Variants in TNR observed in about 807,000 individuals in gnomAD.
TNR encodes the protein tenascin R.
A neutral mutation model predicts 150.4 loss-of-function variants in TNR; 45 were observed. The observed-to-expected ratio is 0.30, with a 90% CI of 0.24 to 0.38. The LOEUF (loss-of-function observed/expected upper bound fraction) is 0.38. Ranked by LOEUF, TNR falls within the 10% of genes least tolerant of loss-of-function variation. TNR has a pLI of 1.00. For synonymous variants in TNR, 687 were observed against 678.4 expected (o/e 1.01, Z -0.20); for missense variants, 1,544 against 1,759.1 (o/e 0.88, Z 2.19).
chr1:175,718,663 A>G (rs575548686), intron 1 of TNR, among the ~76,000 whole-genome samples: 1 of 152,332 alleles, frequency 6.6e-6, no homozygotes, highest in East Asian at 1.9e-4. Context: ...ATAAACTGAG[A>G]CCGCATAACC....
chr1:175,582,616 A>G (rs1358844897), intron 1 of TNR, among the ~76,000 whole-genome samples: 8 of 152,194 alleles, frequency 5.3e-5, no homozygotes, highest in African/African-American at 1.7e-4. Flanking sequence ...ATAGTGAGCC[A>G]AGAGGCCTTT....
At position 175,599,514 on chromosome 1, in the gene TNR, C is replaced by T. The variant is rs1663147845; in HGVS notation, c.-164-71145G>A. 6.6e-6 allele frequency among the ~76,000 whole-genome samples: 1 copy of T among 152,244 alleles called. No individual in the cohort carries two copies. Among genetic ancestry groups the T allele is most frequent in the South Asian group, 2.1e-4 (1 of 4,832 alleles). ...GAGTGACGGAGTAATTCGCAGATGC[C>T]ACCGAGCGGTGGGGCGGCGCGGTTA... On this transcript the variant is annotated intron_variant, in intron 1 of 22. Coordinates refer to ENST00000367674, the MANE Select transcript of TNR (RefSeq NM_003285.3). This position sits in a 1 kb window ranked among gnomAD's most constrained non-coding sequence, Gnocchi z 4.7.
chr1:175,456,510 C>T (rs930368991), intron 2 of TNR, among the ~76,000 whole-genome samples: 5 of 152,202 alleles, frequency 3.3e-5, no homozygotes, highest in Non-Finnish European at 7.3e-5. Context: ...GACACTTAGA[C>T]GGTGCTTAAT....
chr1:175,462,628 G>A (rs1656869367), intron 2 of TNR, among the ~76,000 whole-genome samples: 1 of 152,232 alleles, frequency 6.6e-6, no homozygotes. Flanking sequence ...AGTAAAACAA[G>A]CAGTCTCAAT....
At chr1:175,369,466 C>G (rs1359805850) in intron 9 of TNR, among the ~76,000 whole-genome samples, 17 of 152,178 alleles carry the variant, frequency 1.1e-4, no homozygotes, top group Non-Finnish European at 1.0e-4. Flanking sequence ...TTCTTATAAA[C>G]ACACCAGTCA....
At position 175,320,890 on chromosome 1, in the gene TNR, A is replaced by C. The variant is rs1237495026; in HGVS notation, c.*2467T>G. The C allele has an allele frequency of 6.6e-6, 1 of 151,000 alleles. No individual in the cohort carries two copies. The highest frequency in any genetic ancestry group is 1.5e-5 in the Non-Finnish European group (1 of 67,948). 9.4% of individuals were successfully genotyped at this position (151,000 alleles called of 1,614,324 possible). On this transcript the variant is annotated 3_prime_UTR_variant, in exon 23 of 23. Coordinates refer to ENST00000367674, the MANE Select transcript of TNR (RefSeq NM_003285.3). Reference sequence around the variant, plus strand: ...GTGCTGTCCCACCATGCCAATTTCTACTTAGGTTTTCAGATCACAGATTAG... The same window carrying C: ...GTGCTGTCCCACCATGCCAATTTCTCCTTAGGTTTTCAGATCACAGATTAG...
At chr1:175,446,408 G>A (rs1656046757) in intron 2 of TNR, among the ~76,000 whole-genome samples, 1 of 152,114 alleles carries the variant, frequency 6.6e-6, no homozygotes, top group Non-Finnish European at 1.5e-5. Flanking sequence ...TTAGTTTCCT[G>A]GGACCAGATA....
At chr1:175,731,144 A>G (rs140385085) in intron 1 of TNR, among the ~76,000 whole-genome samples, 49 of 152,318 alleles carry the variant, frequency 3.2e-4, no homozygotes, top group African/African-American at 1.0e-3. Context: ...TGCAGAGCCC[A>G]TGAAGCTGGT....
chr1:175,353,706 T>C (rs16848281), intron 18 of TNR, among the ~76,000 whole-genome samples: 12,206 of 152,222 alleles, frequency 0.08, 526 homozygotes, highest in Middle Eastern at 0.092. Flanking sequence ...AGGTTTAATG[T>C]TGAGGGTTTA....
At chr1:175,524,889 C>G (rs118109466) in intron 2 of TNR, among the ~76,000 whole-genome samples, 1 of 152,158 alleles carries the variant, frequency 6.6e-6, no homozygotes, top group African/African-American at 2.4e-5. Context: ...GCACAGAATG[C>G]TTAATTTCCT....
intron 18 of TNR, among the ~76,000 whole-genome samples, chr1:175,351,873 T>C (rs973445234): frequency 6.6e-6 from 1 of 152,188 alleles, no homozygotes; most frequent in African/African-American, 2.4e-5. Context: ...GCATAGGAAA[T>C]TGGGCTCTTC....
chr1:175,650,490 C>T (rs1188189150), intron 1 of TNR, among the ~76,000 whole-genome samples: 3 of 151,858 alleles, frequency 2.0e-5, no homozygotes, highest in African/African-American at 7.3e-5. Context: ...CCTGTATTTG[C>T]ATTATAATAA....
intron 1 of TNR, among the ~76,000 whole-genome samples, chr1:175,601,290 G>A (rs1019541055): frequency 7.9e-5 from 12 of 152,172 alleles, no homozygotes; most frequent in South Asian, 2.1e-4. Flanking sequence ...GCCCTGAGGC[G>A]CTGAAAAAGC....
chr1:175,658,492 C>A (rs565892408), intron 1 of TNR, among the ~76,000 whole-genome samples: 1 of 152,306 alleles, frequency 6.6e-6, no homozygotes, highest in Admixed American at 6.5e-5. Context: ...TAAAACCTCA[C>A]CTTCGGCACA....
rs561848456 is a variant in TNR, at chr1:175,607,220, T to C, written c.-164-78851A>G. On this transcript the variant is annotated intron_variant, in intron 1 of 22. Transcript: ENST00000367674. ...ATGGTGGACAATTGTTGAGACTGAGTCGTCTTGAGACTAGAGGTCACATGA... is the reference window on the plus strand; with the variant it reads ...ATGGTGGACAATTGTTGAGACTGAGCCGTCTTGAGACTAGAGGTCACATGA... Among the ~76,000 whole-genome samples the C allele has an allele frequency of 3.9e-5, 6 of 152,306 alleles. No homozygotes were observed. In the South Asian group the frequency reaches 1.2e-3, roughly 32 times the overall value.
At chr1:175,398,618 A>G (rs1380098099) in intron 4 of TNR, among the ~76,000 whole-genome samples, 1 of 152,190 alleles carries the variant, frequency 6.6e-6, no homozygotes, top group Non-Finnish European at 1.5e-5. Context: ...ACTTTTACAT[A>G]GATTATTTCA....
rs113863108 is a variant in TNR, at chr1:175,359,586, T to G, written c.2974+26A>C. ...CCAATTCCCACCATTCCCACCTGCC[T>G]GATCTGCAGGCCTGCAGACACCCAC... On this transcript the variant is annotated intron_variant, in intron 15 of 22. Transcript: ENST00000367674. 7.3e-4 allele frequency: 1,173 copies of G among 1,612,828 alleles called. 11 individuals carry two copies. In the African/African-American group the frequency reaches 0.014, roughly 19 times the overall value.
chr1:175,538,340 G>T (rs1660374351), intron 1 of TNR, among the ~76,000 whole-genome samples: 1 of 152,070 alleles, frequency 6.6e-6, no homozygotes, highest in African/African-American at 2.4e-5. Context: ...AGGTCAGAAA[G>T]TTTCCTGAGA....
intron 1 of TNR, among the ~76,000 whole-genome samples, chr1:175,614,996 C>T (rs922718841): frequency 6.6e-6 from 1 of 152,232 alleles, no homozygotes; most frequent in South Asian, 2.1e-4. Context: ...ATGCAGCCAT[C>T]TGGACTCATG....
Sources: gnomAD v4.1 joint callset for allele counts (sites outside exome capture counted in the v4.1 genomes callset) on GRCh38, gnomAD v4.1.1 for gene constraint, Gnocchi (gnomAD v3.1) non-coding constraint, MANE v1.5 for transcripts, NCBI Gene and HGNC (gene_info 2026-07-23, HGNC 2026-07-21) for gene names.